TTLL5: variants seen among roughly 807,000 people sequenced by gnomAD.
TTLL5 encodes tubulin polyglutamylase TTLL5.
In TTLL5, 132 loss-of-function variants were observed where a neutral mutation model predicts 168.4. The ratio of observed to expected loss-of-function variants is 0.78; its 90% CI spans 0.68 to 0.91. The LOEUF (loss-of-function observed/expected upper bound fraction) is 0.91. TTLL5 is among the 40% of genes least tolerant of loss of function. The probability of loss-of-function intolerance (pLI) is 0.00; values close to 1 mark genes in which losing one functional copy is unlikely to be tolerated. For synonymous variants in TTLL5, 546 were observed against 558.6 expected (o/e 0.98, Z 0.32); for missense variants, 1,545 against 1,581.5 (o/e 0.98, Z 0.39).
intron 3 of TTLL5, among the ~76,000 whole-genome samples, chr14:75,680,605 T>C (rs1241158270): frequency 1.3e-5 from 2 of 150,320 alleles, no homozygotes; most frequent in Non-Finnish European, 1.5e-5. Context: ...GAGGGCTATC[T>C]AGAGCAGGGA....
chr14:75,885,879 A>G (rs1037719031), intron 30 of TTLL5, among the ~76,000 whole-genome samples: 15 of 152,254 alleles, frequency 9.9e-5, no homozygotes, highest in African/African-American at 3.1e-4. Context: ...TATGTAATAC[A>G]TACTAAATCA....
chr14:75,683,703 T>G (rs542065206), intron 5 of TTLL5, 47 bp downstream of exon 5: 1 of 1,436,710 alleles, frequency 7.0e-7, no homozygotes. Context: ...GTACATGACA[T>G]TGGGGCATGT....
At chr14:75,885,050 G>T (rs1489550767) in intron 30 of TTLL5, among the ~76,000 whole-genome samples, 2 of 151,402 alleles carry the variant, frequency 1.3e-5, no homozygotes, top group Admixed American at 1.3e-4. Context: ...GCAGGCACCC[G>T]AGTGGTACCA....
intron 3 of TTLL5, among the ~76,000 whole-genome samples, chr14:75,669,733 T>C (rs1883569642): frequency 1.3e-5 from 2 of 149,630 alleles, no homozygotes; most frequent in Admixed American, 6.6e-5. Context: ...TGTACATGTG[T>C]TTTTTTTTTA....
chr14:75,781,149 C>A (rs1478589990), intron 24 of TTLL5, among the ~76,000 whole-genome samples: 1 of 152,062 alleles, frequency 6.6e-6, no homozygotes, highest in Non-Finnish European at 1.5e-5. Context: ...AGTAACTTCT[C>A]CCCTGGCAGT....
chr14:75,757,211 C>T (rs1261167830), intron 18 of TTLL5, among the ~76,000 whole-genome samples: 1 of 152,154 alleles, frequency 6.6e-6, no homozygotes, highest in African/African-American at 2.4e-5. Flanking sequence ...CTCCTGAGCT[C>T]AGGCAATCCC....
intron 26 of TTLL5, among the ~76,000 whole-genome samples, chr14:75,786,075 A>G (rs556905737): frequency 6.6e-6 from 1 of 152,338 alleles, no homozygotes; most frequent in African/African-American, 2.4e-5. Context: ...TTCAAATGAA[A>G]TGGATATTTT....
intron 31 of TTLL5, chr14:75,904,029 C>T (rs1050894775): frequency 1.7e-5 from 18 of 1,057,522 alleles, no homozygotes; most frequent in Middle Eastern, 2.6e-4. Flanking sequence ...TAACTACACC[C>T]GGGCCACTAC....
chr14:75,952,073 C>T lies in TTLL5; in HGVS notation c.3824-2351C>T, dbSNP rs183670875. 2.3e-3 allele frequency among the ~76,000 whole-genome samples: 347 copies of T among 152,106 alleles called. 3 individuals are homozygous for T. Among genetic ancestry groups the T allele is most frequent in the African/African-American group, 8.0e-3 (334 of 41,504 alleles). ...ACTTGTATCTAAAATACATACAGAG[C>T]GCTTACAATTCAATAATAAAAAAGA... On this transcript the variant is annotated intron_variant, in intron 31 of 31. Coordinates refer to ENST00000298832, the MANE Select transcript of TTLL5 (RefSeq NM_015072.5).
At chr14:75,832,431 CTT>C (rs1895623968) in intron 28 of TTLL5, among the ~76,000 whole-genome samples, 2 of 152,182 alleles carry the variant, frequency 1.3e-5, no homozygotes, top group Non-Finnish European at 2.9e-5. Context: ...AGTTAACTGT[CTT>C]TTCTTTCTTT....
intron 27 of TTLL5, among the ~76,000 whole-genome samples, chr14:75,813,483 A>G (rs527729146): frequency 1.6e-4 from 25 of 152,040 alleles, no homozygotes; most frequent in Admixed American, 1.3e-3. Flanking sequence ...TTATATTTTT[A>G]GTGGAGAAGG....
rs1206835315 is a variant in TTLL5, at chr14:75,766,354, T to C, written c.2001T>C (p.Asp667=). ...TTAACCTGATGCAGATTCTTCAAGA[T>C]AATGGCAATCTTAGGTATGTATCTT... is the stretch of plus-strand genomic sequence containing the variant. ...PKFNLMQILQ[D]NGNLSKMQAR... is the part of the protein sequence containing the mutation. The change falls in exon 20 of 32, where the codon GAT becomes GAC. Residue 667 remains aspartate (D), a synonymous_variant. Transcript: ENST00000298832. 2 of 1,610,550 alleles carry C rather than the reference T, an allele frequency of 1.2e-6. No individual in the cohort carries two copies. The highest frequency in any genetic ancestry group is 2.2e-5 in the East Asian group (1 of 44,838).
At chr14:75,768,274 G>C (rs958002521) in intron 20 of TTLL5, among the ~76,000 whole-genome samples, 3 of 152,200 alleles carry the variant, frequency 2.0e-5, no homozygotes, top group African/African-American at 7.2e-5. Flanking sequence ...AAAAGCTGCA[G>C]AATGAGCATT....
intron 17 of TTLL5, among the ~76,000 whole-genome samples, chr14:75,747,761 T>G (rs1242059624): frequency 6.6e-6 from 1 of 152,218 alleles, no homozygotes; most frequent in East Asian, 1.9e-4. Flanking sequence ...TCATGTGAGC[T>G]CTGGGAATTA....
intron 27 of TTLL5, among the ~76,000 whole-genome samples, chr14:75,813,406 A>G (rs1324845965): frequency 2.6e-5 from 4 of 151,836 alleles, no homozygotes; most frequent in South Asian, 2.1e-4. Context: ...CGCTCAAGCA[A>G]TCCTTCCCAC....
At chr14:75,686,453 A>G (rs1885061684) in intron 5 of TTLL5, among the ~76,000 whole-genome samples, 1 of 152,308 alleles carries the variant, frequency 6.6e-6, no homozygotes, top group Admixed American at 6.5e-5. Flanking sequence ...CCCATCTGGA[A>G]GGGTCATTTC....
Position 75,753,038 on chromosome 14 carries a change from T to TA in TTLL5, c.1550+87dup. 3.8e-6 allele frequency: 5 copies of TA among 1,316,432 alleles called. No homozygotes were observed. The South Asian group carries it at 5.3e-5, about 14-fold the overall frequency. 81.5% of individuals were successfully genotyped at this position (1,316,432 alleles called of 1,614,324 possible). Reference sequence around the variant, plus strand: ...ATGTCAAAGAAGGAAACAGACCTTATAAAAGTCTTTATGTAAAATCTCTGC... The same window carrying TA: ...ATGTCAAAGAAGGAAACAGACCTTATAAAAAGTCTTTATGTAAAATCTCTGC... On this transcript the variant is annotated intron_variant, in intron 18 of 31. Coordinates refer to ENST00000298832, the MANE Select transcript of TTLL5 (RefSeq NM_015072.5).
At chr14:75,811,829 T>A (rs1045898384) in intron 27 of TTLL5, among the ~76,000 whole-genome samples, 1 of 152,294 alleles carries the variant, frequency 6.6e-6, no homozygotes, top group African/African-American at 2.4e-5. Context: ...CTTCTAAGAA[T>A]CAACAGGGAA....
At chr14:75,811,128 G>T (rs1893971670) in intron 27 of TTLL5, among the ~76,000 whole-genome samples, 1 of 140,334 alleles carries the variant, frequency 7.1e-6, no homozygotes, top group African/African-American at 2.7e-5. Flanking sequence ...AATAGAGGGG[G>T]TGGGGAAAGA....
Sources: gnomAD v4.1 joint callset for allele counts (sites outside exome capture counted in the v4.1 genomes callset) on GRCh38, gnomAD v4.1.1 for gene constraint, MANE v1.5 for transcripts, NCBI Gene and HGNC (gene_info 2026-07-23, HGNC 2026-07-21) for gene names.